The following NOVA1 variants were observed in gnomAD, a reference collection of about 807,000 sequenced individuals.
The protein encoded by NOVA1 is RNA-binding protein Nova-1.
NOVA1 carries 7 observed loss-of-function variants against 38.0 expected under a neutral mutation model. That is an observed-to-expected ratio of 0.18 (90% CI 0.10 to 0.35). The LOEUF (loss-of-function observed/expected upper bound fraction) is 0.35, where lower values mean the gene tolerates loss of function less well. Among genes scored for constraint, NOVA1 ranks in the 10% least tolerant of loss-of-function variants. The pLI is 1.00. For synonymous variants in NOVA1, 270 were observed against 232.5 expected (o/e 1.16, Z -1.47); for missense variants, 460 against 616.0 (o/e 0.75, Z 2.68).
At chr14:26,573,766 A>C (rs1179586814) in intron 2 of NOVA1, among the ~76,000 whole-genome samples, 1 of 152,108 alleles carries the variant, frequency 6.6e-6, no homozygotes. Flanking sequence ...AAGATGAAAA[A>C]AGTTTAAAGA....
intron 2 of NOVA1, among the ~76,000 whole-genome samples, chr14:26,527,642 G>A (rs1354914093): frequency 6.6e-6 from 1 of 152,176 alleles, no homozygotes; most frequent in African/African-American, 2.4e-5. Context: ...AGACATGTCT[G>A]TCAAGTAGAC....
At chr14:26,450,810 T>C (rs1410592027) in intron 4 of NOVA1, among the ~76,000 whole-genome samples, 1 of 152,166 alleles carries the variant, frequency 6.6e-6, no homozygotes, top group African/African-American at 2.4e-5. Flanking sequence ...AAATGCACTT[T>C]TAAGGATTTA....
intron 2 of NOVA1, among the ~76,000 whole-genome samples, chr14:26,488,570 C>T (rs1886094130): frequency 6.6e-6 from 1 of 151,988 alleles, no homozygotes; most frequent in African/African-American, 2.4e-5. Context: ...ATTTTGAGGC[C>T]ATGCAAAAAA....
At position 26,514,085 on chromosome 14, in the gene NOVA1, G is replaced by T. The variant is rs529100867; in HGVS notation, c.281-33942C>A. Among the ~76,000 whole-genome samples the T allele has an allele frequency of 6.8e-4, 103 of 151,708 alleles. 2 individuals carry two copies. The South Asian group carries it at 0.021, about 31-fold the overall frequency. On this transcript the variant is annotated intron_variant, in intron 2 of 4. Coordinates refer to ENST00000539517, the MANE Select transcript of NOVA1 (RefSeq NM_002515.3). ...TCAATAACTTATTTTTAAAGTGCAA[G>T]AAAATTGTTTTACATTTGAAAGTTC...
At chr14:26,547,117 G>T (rs191044877) in intron 2 of NOVA1, among the ~76,000 whole-genome samples, 1 of 152,142 alleles carries the variant, frequency 6.6e-6, no homozygotes, top group Admixed American at 6.5e-5. Flanking sequence ...GAGAAAGGAT[G>T]AAAAATAAGT....
At chr14:26,482,848 C>G (rs988708639) in intron 2 of NOVA1, among the ~76,000 whole-genome samples, 2 of 152,084 alleles carry the variant, frequency 1.3e-5, no homozygotes, top group Non-Finnish European at 2.9e-5. Context: ...TACAGGAAGG[C>G]ACCACCATGC....
At position 26,519,880 on chromosome 14, in the gene NOVA1, G is replaced by A. The variant is rs200080619; in HGVS notation, c.281-39737C>T. Among the ~76,000 whole-genome samples the A allele has an allele frequency of 2.2e-4, 34 of 152,146 alleles. No homozygotes were observed. In the East Asian group the frequency reaches 6.0e-3, roughly 27 times the overall value. ...CCTATCAGTGTGATCACAGAAAAAA[G>A]TTATGTTAAATAATGCAAGAAATAA... On this transcript the variant is annotated intron_variant, in intron 2 of 4. Coordinates refer to ENST00000539517, the MANE Select transcript of NOVA1 (RefSeq NM_002515.3).
Position 26,493,734 on chromosome 14 carries a change from T to C in NOVA1, c.281-13591A>G, listed in dbSNP as rs1038136478. 2.0e-4 allele frequency among the ~76,000 whole-genome samples: 4 copies of C among 19,530 alleles called. No homozygotes were observed. In the Non-Finnish European group the frequency reaches 3.0e-3, roughly 15 times the overall value. 12.8% of individuals were successfully genotyped at this position (19,530 alleles called of 152,430 possible). ...GGCCTTTCCTTTAGAGGGGAATCTC[T>C]GAGTCTGGTTTCCTGTATACTCTCC... is the stretch of plus-strand genomic sequence containing the variant. On this transcript the variant is annotated intron_variant, in intron 2 of 4. Coordinates refer to ENST00000539517, the MANE Select transcript of NOVA1 (RefSeq NM_002515.3).
chr14:26,493,823 T>A (rs1886544698), intron 2 of NOVA1, among the ~76,000 whole-genome samples: 1 of 152,128 alleles, frequency 6.6e-6, no homozygotes, highest in Non-Finnish European at 1.5e-5. Context: ...TTCTTGGGTA[T>A]CCTTCAGTTA....
At chr14:26,494,519 T>C (rs1389609606) in intron 2 of NOVA1, among the ~76,000 whole-genome samples, 1 of 152,222 alleles carries the variant, frequency 6.6e-6, no homozygotes, top group South Asian at 2.1e-4. Flanking sequence ...GAGATACTGG[T>C]AAACTGTAGC....
chr14:26,597,442 C>T lies in NOVA1; in HGVS notation c.-6G>A. On this transcript the variant is annotated 5_prime_UTR_variant, in exon 1 of 5. Coordinates refer to ENST00000539517, the MANE Select transcript of NOVA1 (RefSeq NM_002515.3). ...ATGGGAGCTGCCGCCATCATGTTTG[C>T]AGTTCCTGCCGCTGCTACCGGGAGA... 1 of 1,289,090 alleles carries T rather than the reference C, an allele frequency of 7.8e-7. No homozygotes were observed. Among genetic ancestry groups the T allele is most frequent in the Admixed American group, 3.4e-5 (1 of 29,200 alleles). 79.9% of individuals were successfully genotyped at this position (1,289,090 alleles called of 1,614,324 possible).
intron 1 of NOVA1, chr14:26,596,538 T>A (rs748278532): frequency 4.7e-6 from 6 of 1,288,636 alleles, no homozygotes; most frequent in African/African-American, 1.5e-5. Context: ...AAGACCCCCA[T>A]CCGTCTACAA....
intron 2 of NOVA1, among the ~76,000 whole-genome samples, chr14:26,540,895 T>C (rs1177610626): frequency 6.6e-6 from 1 of 152,184 alleles, no homozygotes; most frequent in Non-Finnish European, 1.5e-5. Context: ...AATACAGTGG[T>C]AAAACTAGTA....
At chr14:26,452,412 T>C (rs1221147247) in intron 4 of NOVA1, among the ~76,000 whole-genome samples, 1 of 152,144 alleles carries the variant, frequency 6.6e-6, no homozygotes, top group Admixed American at 6.6e-5. Context: ...AGCTTTGAGA[T>C]GGTGGACAAC....
chr14:26,476,381 CA>C (rs1461404557), intron 3 of NOVA1, among the ~76,000 whole-genome samples: 1 of 152,078 alleles, frequency 6.6e-6, no homozygotes, highest in Non-Finnish European at 1.5e-5. Flanking sequence ...AAATGTTTGG[CA>C]AATCTGTATT....
At chr14:26,465,977 CA>C (rs1366092595) in intron 4 of NOVA1, among the ~76,000 whole-genome samples, 20 of 151,944 alleles carry the variant, frequency 1.3e-4, no homozygotes, top group South Asian at 4.2e-4. Flanking sequence ...ATCAGGAGTA[CA>C]GGGGGGGAAG....
At chr14:26,552,328 T>C (rs933501144) in intron 2 of NOVA1, among the ~76,000 whole-genome samples, 2 of 152,078 alleles carry the variant, frequency 1.3e-5, no homozygotes, top group African/African-American at 4.8e-5. Flanking sequence ...TTTTCGAATG[T>C]TTTACCCCAA....
rs574098564 is a variant in NOVA1, at chr14:26,546,189, A to G, written c.280+49221T>C. On this transcript the variant is annotated intron_variant, in intron 2 of 4. Coordinates refer to ENST00000539517, the MANE Select transcript of NOVA1 (RefSeq NM_002515.3). ...ATATTAGTCTAGGAATATAAATTAT[A>G]TTTTGGATAATAAGAAATGGTGTAT... Among the ~76,000 whole-genome samples the G allele has an allele frequency of 2.0e-5, 3 of 152,222 alleles. No homozygotes were observed. The East Asian group carries it at 5.8e-4, about 29-fold the overall frequency.
At chr14:26,476,325 T>C (rs191889460) in intron 3 of NOVA1, among the ~76,000 whole-genome samples, 6 of 152,288 alleles carry the variant, frequency 3.9e-5, no homozygotes, top group Non-Finnish European at 5.9e-5. Flanking sequence ...ACTTCTTTTT[T>C]TTCCCCCCCA....
Sources: allele counts gnomAD v4.1 joint callset (sites outside exome capture counted in the v4.1 genomes callset), GRCh38; gene constraint gnomAD v4.1.1; transcripts MANE v1.5; gene names NCBI Gene and HGNC (gene_info 2026-07-23, HGNC 2026-07-21).